Variants in RPRD1A observed in about 807,000 individuals in gnomAD.
The protein encoded by RPRD1A is regulation of nuclear pre-mRNA domain-containing protein 1A.
Under a neutral mutation model 37.8 loss-of-function variants are expected in RPRD1A, and 9 were observed. That is an observed-to-expected ratio of 0.24 (90% CI 0.14 to 0.42). RPRD1A has a LOEUF of 0.42. Ranked by LOEUF, RPRD1A falls within the 10% of genes least tolerant of loss-of-function variation. The pLI is 1.00. For synonymous variants in RPRD1A, 138 were observed against 139.7 expected, an observed-to-expected ratio of 0.99 and a Z score of 0.08; for missense variants, 255 against 371.0, an observed-to-expected ratio of 0.69 and a Z score of 2.57.
rs530433472 is a variant in RPRD1A at position 35,999,212 on chromosome 18, G to T, written c.790-5912C>A. ...GCAGGGGACTGAGTATTAACAGTAC[G>T]CCCCAGTCAACACTCCATGAAGTCA... On this transcript the variant is annotated intron_variant, in intron 6 of 6. Transcript: ENST00000399022. Among the ~76,000 whole-genome samples the T allele has an allele frequency of 9.2e-5, 14 of 152,120 alleles. No individual in the cohort carries two copies. In the South Asian group the frequency reaches 2.7e-3, roughly 29 times the overall value.
At chr18:36,000,052 C>G (rs935723033) in intron 6 of RPRD1A, among the ~76,000 whole-genome samples, 1 of 151,900 alleles carries the variant, frequency 6.6e-6, no homozygotes, top group African/African-American at 2.4e-5. Context: ...ACACACACAC[C>G]CATTTTCTTT....
intron 6 of RPRD1A, among the ~76,000 whole-genome samples, chr18:35,995,062 T>C (rs1160049022): frequency 1.3e-5 from 2 of 151,958 alleles, no homozygotes; most frequent in Non-Finnish European, 2.9e-5. Context: ...ATGTCACCAA[T>C]GTTGAAAAGG....
In RPRD1A at chr18:36,066,297, T is replaced by C. The variant is rs1430598798; in HGVS notation, c.151+957A>G. 2.0e-5 allele frequency among the ~76,000 whole-genome samples: 3 copies of C among 152,234 alleles called. No individual in the cohort carries two copies. In the East Asian group the frequency reaches 5.8e-4, roughly 29 times the overall value. On this transcript the variant is annotated intron_variant, in intron 1 of 6. Transcript: ENST00000399022. ...ACATTTTGGCTGTTACGTACATACA[T>C]CATATAGCTTTCACAAGGTTCAGTA...
chr18:36,015,629 T>C (rs528330883), intron 6 of RPRD1A, among the ~76,000 whole-genome samples: 15 of 152,226 alleles, frequency 9.9e-5, no homozygotes, highest in Non-Finnish European at 2.2e-4. Context: ...AATGGATTAC[T>C]ATTCGGCCTT....
chr18:36,039,425 C>T (rs1912430143), intron 1 of RPRD1A, among the ~76,000 whole-genome samples: 1 of 152,134 alleles, frequency 6.6e-6, no homozygotes, highest in South Asian at 2.1e-4. Flanking sequence ...GTTATATAAC[C>T]TACCACAAAC....
At chr18:36,052,483 T>C (rs187103791) in intron 1 of RPRD1A, among the ~76,000 whole-genome samples, 1 of 152,198 alleles carries the variant, frequency 6.6e-6, no homozygotes. Flanking sequence ...ATAAAACATG[T>C]TTATCAAATG....
At position 35,990,579 on chromosome 18, in the gene RPRD1A, C is replaced by G. The variant is rs1908663261; in HGVS notation, c.*2572G>C. On this transcript the variant is annotated 3_prime_UTR_variant, in exon 7 of 7. Transcript: ENST00000399022. ...CCGAGAATCTGTTCAGATTGTGACTCCAGACAGCTCTCTGCACTGTATGTG... is the reference window on the plus strand; with the variant it reads ...CCGAGAATCTGTTCAGATTGTGACTGCAGACAGCTCTCTGCACTGTATGTG... 1 of 152,126 alleles carries G rather than the reference C, an allele frequency of 6.6e-6. No individual in the cohort carries two copies. The highest frequency in any genetic ancestry group is 2.4e-5 in the African/African-American group (1 of 41,424). 9.4% of individuals were successfully genotyped at this position (152,126 alleles called of 1,614,324 possible). A position where few individuals can be genotyped will look rare whatever the true frequency, so the allele number is the denominator to read the frequency against.
At chr18:36,041,887 A>T (rs1912608338) in intron 1 of RPRD1A, among the ~76,000 whole-genome samples, 1 of 152,132 alleles carries the variant, frequency 6.6e-6, no homozygotes, top group African/African-American at 2.4e-5. Context: ...GGTGGGTGAA[A>T]AGTGGGTAGA....
chr18:36,008,577 G>GTGTGTATATGTATATATA, intron 6 of RPRD1A, among the ~76,000 whole-genome samples: 1 of 47,800 alleles, frequency 2.1e-5, no homozygotes, highest in Non-Finnish European at 4.3e-5. Flanking sequence ...CCTTGTGTGT[G>GTGTGTATATGTATATATA]TATATATATA....
At chr18:36,049,880 T>C (rs928046418) in intron 1 of RPRD1A, among the ~76,000 whole-genome samples, 3 of 152,230 alleles carry the variant, frequency 2.0e-5, no homozygotes, top group Non-Finnish European at 4.4e-5. Context: ...TTAAATTTTT[T>C]AGAAACTGCC....
At chr18:36,060,612 TG>T (rs1331722675) in intron 1 of RPRD1A, among the ~76,000 whole-genome samples, 6 of 152,128 alleles carry the variant, frequency 3.9e-5, no homozygotes, top group African/African-American at 1.4e-4. Flanking sequence ...CGCAGTATGC[TG>T]GGGAGCTAAA....
rs1049381784 is a variant in RPRD1A at position 35,991,177 on chromosome 18, T to C, written c.*1974A>G. On this transcript the variant is annotated 3_prime_UTR_variant, in exon 7 of 7. Transcript: ENST00000399022. ...TTTTAAATGGAAAAAAATATATATTTTGAATGGATAAATCACCACTTTAGC... is the reference window on the plus strand; with the variant it reads ...TTTTAAATGGAAAAAAATATATATTCTGAATGGATAAATCACCACTTTAGC... 3.3e-5 allele frequency: 5 copies of C among 152,188 alleles called. No individual in the cohort carries two copies. The highest frequency in any genetic ancestry group is 1.3e-4 in the Admixed American group (2 of 15,272). The allele number at this position is 152,188 out of a possible 1,614,324, so 9.4% of individuals were successfully genotyped here.
intron 1 of RPRD1A, among the ~76,000 whole-genome samples, chr18:36,062,556 T>C (rs2088937550): frequency 6.6e-6 from 1 of 151,950 alleles, no homozygotes; most frequent in Admixed American, 6.6e-5. Flanking sequence ...AACTGATGAA[T>C]GGCTAAATTC....
intron 1 of RPRD1A, among the ~76,000 whole-genome samples, chr18:36,044,856 G>C (rs1456123907): frequency 6.6e-6 from 1 of 152,162 alleles, no homozygotes; most frequent in East Asian, 1.9e-4. Flanking sequence ...AATCTTCCAA[G>C]AGGCTGCCAC....
chr18:36,025,994 G>C (rs1004724391), intron 6 of RPRD1A: 1 of 176,462 alleles, frequency 5.7e-6, no homozygotes, highest in African/African-American at 2.4e-5. Flanking sequence ...GCTAACTTGA[G>C]AGCTGGGAAT....
At chr18:36,028,665 A>G (rs1400278174) in intron 4 of RPRD1A, among the ~76,000 whole-genome samples, 1 of 152,200 alleles carries the variant, frequency 6.6e-6, no homozygotes, top group Non-Finnish European at 1.5e-5. Context: ...GTCTGAAACA[A>G]TACTAAGCCT....
chr18:35,992,877 CAA>C lies in RPRD1A; in HGVS notation c.*272_*273del. On this transcript the variant is annotated 3_prime_UTR_variant, in exon 7 of 7. Coordinates refer to ENST00000399022, the MANE Select transcript of RPRD1A (RefSeq NM_018170.5). ...AGAGATTTCTCACAAGGCCTTGGATCAAAAAAAAAATTTACAAAAAGATCTTT... is the reference window on the plus strand; with the variant it reads ...AGAGATTTCTCACAAGGCCTTGGATCAAAAAAAATTTACAAAAAGATCTTT... 9 of 252,794 alleles carry C rather than the reference CAA, an allele frequency of 3.6e-5. No homozygotes were observed. Among genetic ancestry groups the C allele is most frequent in the Admixed American group, 5.4e-5 (1 of 18,378 alleles). 15.7% of individuals were successfully genotyped at this position (252,794 alleles called of 1,614,324 possible). A position where few individuals can be genotyped will look rare whatever the true frequency, so the allele number is the denominator to read the frequency against.
chr18:36,022,404 A>T (rs1484821932), intron 6 of RPRD1A, among the ~76,000 whole-genome samples: 2 of 152,208 alleles, frequency 1.3e-5, no homozygotes, highest in Non-Finnish European at 2.9e-5. Context: ...AGAAGATGCC[A>T]CCTGGGACTT....
chr18:36,045,114 C>A (rs1912861387), intron 1 of RPRD1A, among the ~76,000 whole-genome samples: 2 of 151,984 alleles, frequency 1.3e-5, no homozygotes, highest in Non-Finnish European at 2.9e-5. Flanking sequence ...GTGGTGCATG[C>A]CTGTAATCCC....
Sources: gnomAD v4.1 joint callset for allele counts (sites outside exome capture counted in the v4.1 genomes callset) on GRCh38, gnomAD v4.1.1 for gene constraint, MANE v1.5 for transcripts, NCBI Gene and HGNC (gene_info 2026-07-23, HGNC 2026-07-21) for gene names.